Variants in RNLS observed in about 807,000 individuals in gnomAD.
RNLS encodes the protein renalase.
RNLS carries 39 observed loss-of-function variants against 39.8 expected under a neutral mutation model. The observed-to-expected ratio is 0.98, with a 90% CI of 0.76 to 1.28. The LOEUF (loss-of-function observed/expected upper bound fraction) is 1.28, where lower values mean the gene tolerates loss of function less well. RNLS is among the 50% of genes most tolerant of loss of function. RNLS has a pLI of 0.00. For missense variants in RNLS, 410 were observed against 413.3 expected (o/e 0.99, Z 0.07); for synonymous variants, 147 against 150.7 (o/e 0.98, Z 0.18).
At chr10:88,183,881 C>T in the RNLS span, among the ~76,000 whole-genome samples, 4 of 152,148 alleles carry the variant, frequency 2.6e-5, no homozygotes, top group African/African-American at 9.6e-5. Context: ...AATGGCGATA[C>T]TGAGACTTTT....
chr10:88,416,220 T>TTA (rs1007425786), intron 4 of RNLS, among the ~76,000 whole-genome samples: 123 of 148,304 alleles, frequency 8.3e-4, no homozygotes, highest in East Asian at 3.9e-3. Context: ...TATATCTGAA[T>TTA]TATATATATA....
chr10:88,241,867 T>A, the RNLS span, among the ~76,000 whole-genome samples: 1 of 152,304 alleles, frequency 6.6e-6, no homozygotes, highest in East Asian at 1.9e-4. Context: ...TTCTATTTGG[T>A]CAAAATCTTT....
chr10:88,544,075 T>C (rs1404502297), intron 4 of RNLS, among the ~76,000 whole-genome samples: 1 of 152,180 alleles, frequency 6.6e-6, no homozygotes, highest in Non-Finnish European at 1.5e-5. Context: ...TACTTACCTT[T>C]TCCATACTTA....
chr10:88,483,617 C>T (rs374561561), intron 4 of RNLS, among the ~76,000 whole-genome samples: 1 of 151,946 alleles, frequency 6.6e-6, no homozygotes, highest in Non-Finnish European at 1.5e-5. Flanking sequence ...TTAATTATTT[C>T]TTCTATTATA....
chr10:88,192,487 G>T, the RNLS span, among the ~76,000 whole-genome samples: 1 of 152,194 alleles, frequency 6.6e-6, no homozygotes, highest in East Asian at 1.9e-4. Flanking sequence ...TTAGTATTTA[G>T]AATATTTAAT....
chr10:88,308,971 A>G (rs1368789862), intron 6 of RNLS, among the ~76,000 whole-genome samples: 2 of 152,212 alleles, frequency 1.3e-5, no homozygotes, highest in East Asian at 1.9e-4. Flanking sequence ...CCTTTGCAGG[A>G]AAACATGGAC....
At chr10:88,415,077 T>C (rs747537075) in intron 4 of RNLS, among the ~76,000 whole-genome samples, 12 of 152,310 alleles carry the variant, frequency 7.9e-5, no homozygotes, top group Non-Finnish European at 1.3e-4. Flanking sequence ...GCTCCTGGCA[T>C]GTAGGATGGT....
intron 4 of RNLS, among the ~76,000 whole-genome samples, chr10:88,514,756 T>C (rs1398867688): frequency 6.6e-6 from 1 of 152,108 alleles, no homozygotes. Flanking sequence ...CCTTCTTTTT[T>C]AACACCAAAT....
intron 4 of RNLS, among the ~76,000 whole-genome samples, chr10:88,561,354 A>T (rs1849177006): frequency 6.6e-6 from 1 of 152,214 alleles, no homozygotes; most frequent in Non-Finnish European, 1.5e-5. Flanking sequence ...TTGCAACACA[A>T]GTAAATAAAT....
chr10:88,428,411 G>T (rs1030284691), intron 4 of RNLS, among the ~76,000 whole-genome samples: 32 of 150,856 alleles, frequency 2.1e-4, no homozygotes, highest in African/African-American at 6.5e-4. Flanking sequence ...GTCTAAATTT[G>T]ATTCTGTTAA....
At chr10:88,228,318 T>A in the RNLS span, among the ~76,000 whole-genome samples, 1 of 152,224 alleles carries the variant, frequency 6.6e-6, no homozygotes, top group African/African-American at 2.4e-5. Flanking sequence ...ATTCAGTGAT[T>A]CAGCAATCAC....
intron 4 of RNLS, among the ~76,000 whole-genome samples, chr10:88,468,576 C>T (rs1031360862): frequency 3.4e-5 from 5 of 147,070 alleles, no homozygotes; most frequent in African/African-American, 1.3e-4. Context: ...TGGATGTGTC[C>T]TTTACTGGGA....
chr10:88,245,455 A>C, the RNLS span, among the ~76,000 whole-genome samples: 4 of 152,210 alleles, frequency 2.6e-5, no homozygotes, highest in Middle Eastern at 3.2e-3. Flanking sequence ...CCTGAGGTAC[A>C]GCTTGGCTTT....
intron 3 of RNLS, among the ~76,000 whole-genome samples, chr10:88,573,751 A>G (rs1314552036): frequency 6.6e-6 from 1 of 152,208 alleles, no homozygotes; most frequent in Non-Finnish European, 1.5e-5. Context: ...TTTAATCTGT[A>G]AGGCCCATGA....
At chr10:88,202,842 C>T in the RNLS span, among the ~76,000 whole-genome samples, 1 of 152,130 alleles carries the variant, frequency 6.6e-6, no homozygotes, top group African/African-American at 2.4e-5. Context: ...TGGATTCCCC[C>T]ATGGCACACA....
intron 3 of RNLS, among the ~76,000 whole-genome samples, chr10:88,579,190 A>T (rs1331097928): frequency 1.3e-5 from 2 of 152,164 alleles, no homozygotes; most frequent in Non-Finnish European, 2.9e-5. Flanking sequence ...TATGGCTAAC[A>T]AACTGGTAAA....
chr10:88,522,967 T>C (rs1294466349), intron 4 of RNLS, among the ~76,000 whole-genome samples: 2 of 152,134 alleles, frequency 1.3e-5, no homozygotes, highest in Non-Finnish European at 2.9e-5. Context: ...TGGGACGTAC[T>C]GTTTGATAGG....
chr10:88,530,193 T>A (rs889565417), intron 4 of RNLS, among the ~76,000 whole-genome samples: 4 of 152,148 alleles, frequency 2.6e-5, no homozygotes, highest in Non-Finnish European at 5.9e-5. Context: ...ATGGTAATAA[T>A]AACGTCCCTT....
intron 6 of RNLS, among the ~76,000 whole-genome samples, chr10:88,289,675 C>T (rs960426887): frequency 6.6e-6 from 1 of 152,068 alleles, no homozygotes; most frequent in African/African-American, 2.4e-5. Flanking sequence ...AGAACAGTGC[C>T]TGGACCATAT....
Sources: gnomAD v4.1 joint callset for allele counts (sites outside exome capture counted in the v4.1 genomes callset) on GRCh38, gnomAD v4.1.1 for gene constraint, MANE v1.5 for transcripts, NCBI Gene and HGNC (gene_info 2026-07-23, HGNC 2026-07-21) for gene names.